Variants in PCDH11X observed in about 807,000 individuals in gnomAD.
PCDH11X encodes protocadherin-11 X-linked.
Under a neutral mutation model 53.3 loss-of-function variants are expected in PCDH11X, and 18 were observed. That is an observed-to-expected ratio of 0.34 (90% confidence interval 0.23 to 0.50). The LOEUF (loss-of-function observed/expected upper bound fraction) is 0.50. PCDH11X is among the 20% of genes least tolerant of loss of function. The pLI is 0.98. For missense variants in PCDH11X, 570 were observed against 1,032.4 expected, an observed-to-expected ratio of 0.55 and a Z score of 6.14; for synonymous variants, 279 against 393.3, an observed-to-expected ratio of 0.71 and a Z score of 3.44.
intron 8 of PCDH11X, among the ~76,000 whole-genome samples, chrX:92,377,104 G>A (rs1010563015): frequency 1.8e-5 from 2 of 111,784 alleles, no homozygotes; most frequent in Non-Finnish European, 3.8e-5. Flanking sequence ...ACTTCAGAGA[G>A]CTAGAGACAA....
intron 10 of PCDH11X, among the ~76,000 whole-genome samples, chrX:92,600,195 G>C (rs1444121405): frequency 9.6e-6 from 1 of 104,230 alleles, no homozygotes; most frequent in Admixed American, 1.0e-4. Context: ...AAAATTCAAA[G>C]CTGGCTGGGG....
intron 10 of PCDH11X, among the ~76,000 whole-genome samples, chrX:92,511,360 T>C (rs1377212630): frequency 9.0e-6 from 1 of 111,513 alleles, no homozygotes; most frequent in Non-Finnish European, 1.9e-5. Flanking sequence ...AATTGCATTC[T>C]TAGGTAGTAG....
intron 7 of PCDH11X, among the ~76,000 whole-genome samples, chrX:92,235,172 T>A (rs905491019): frequency 4.5e-5 from 4 of 88,346 alleles, no homozygotes; most frequent in Non-Finnish European, 5.9e-5. Flanking sequence ...AAGCACAAAA[T>A]TTTTTTAAAT....
At chrX:91,798,065 TA>T (rs1353288230) in intron 1 of PCDH11X, 2 of 92,252 alleles carry the variant, frequency 2.2e-5, no homozygotes, top group Non-Finnish European at 4.2e-5. Context: ...CTTGATATTT[TA>T]AAAACTTGAA....
intron 10 of PCDH11X, among the ~76,000 whole-genome samples, chrX:92,598,454 C>G (rs1007530960): frequency 2.7e-5 from 3 of 109,617 alleles, no homozygotes; most frequent in African/African-American, 1.0e-4. Context: ...AAAGTGTGCA[C>G]AATATCATTG....
At chrX:91,781,521 G>T (rs1296579786) in intron 1 of PCDH11X, among the ~76,000 whole-genome samples, 6 of 112,979 alleles carry the variant, frequency 5.3e-5, no homozygotes, top group African/African-American at 1.9e-4. Flanking sequence ...AAAAGGAAAC[G>T]GTACTTGCGG....
chrX:92,007,609 C>G (rs1417776870), intron 6 of PCDH11X, among the ~76,000 whole-genome samples: 2 of 111,954 alleles, frequency 1.8e-5, no homozygotes, highest in Admixed American at 9.4e-5. Context: ...CTGACCTCCA[C>G]CCCTGTGGCC....
At chrX:92,063,300 C>A (rs1266875372) in intron 6 of PCDH11X, among the ~76,000 whole-genome samples, 13 of 108,695 alleles carry the variant, frequency 1.2e-4, no homozygotes, top group African/African-American at 4.4e-4. Context: ...TGTAACAAAC[C>A]TGCACATTCT....
intron 6 of PCDH11X, among the ~76,000 whole-genome samples, chrX:92,081,909 G>A (rs1432870661): frequency 1.8e-5 from 2 of 111,440 alleles, no homozygotes; most frequent in African/African-American, 6.5e-5. Context: ...TATAAATACT[G>A]AATAGAATGG....
At chrX:91,933,407 A>G (rs1396854521) in intron 6 of PCDH11X, among the ~76,000 whole-genome samples, 1 of 109,577 alleles carries the variant, frequency 9.1e-6, no homozygotes, top group African/African-American at 3.3e-5. Context: ...CTTTTGATGT[A>G]TAATATTACT....
chrX:92,264,241 T>C (rs374092186), intron 8 of PCDH11X, among the ~76,000 whole-genome samples: 1 of 112,085 alleles, frequency 8.9e-6, no homozygotes, highest in African/African-American at 3.2e-5. Context: ...TTTTCATTAA[T>C]GTTTGAGAGA....
intron 6 of PCDH11X, among the ~76,000 whole-genome samples, chrX:91,961,396 G>A (rs916655594): frequency 1.8e-5 from 2 of 110,350 alleles, no homozygotes; most frequent in Non-Finnish European, 3.8e-5. Flanking sequence ...AAGATCAGGA[G>A]CAAGGATGTC....
chrX:92,539,796 G>A (rs150050206), intron 10 of PCDH11X, among the ~76,000 whole-genome samples: 3,278 of 111,687 alleles, frequency 0.029, 132 homozygotes, highest in African/African-American at 0.1. Context: ...ATAATGCTGT[G>A]GTTTTTGTGG....
At chrX:91,939,330 A>G (rs1168058109) in intron 6 of PCDH11X, among the ~76,000 whole-genome samples, 1 of 111,300 alleles carries the variant, frequency 9.0e-6, no homozygotes, top group African/African-American at 3.3e-5. Flanking sequence ...TAAAATGACA[A>G]TAAAAGTAAC....
At chrX:91,990,023 T>C (rs1271507725) in intron 6 of PCDH11X, among the ~76,000 whole-genome samples, 2 of 111,258 alleles carry the variant, frequency 1.8e-5, no homozygotes, top group Non-Finnish European at 3.8e-5. Flanking sequence ...TTCAATTTCT[T>C]TGATTCTTTC....
chrX:92,061,368 C>A (rs1047509164), intron 6 of PCDH11X, among the ~76,000 whole-genome samples: 16 of 111,337 alleles, frequency 1.4e-4, no homozygotes, highest in Non-Finnish European at 2.8e-4. Flanking sequence ...TGATTTATTT[C>A]ATTTCCTGTT....
At chrX:91,941,388 A>G (rs1411636057) in intron 6 of PCDH11X, among the ~76,000 whole-genome samples, 1 of 111,321 alleles carries the variant, frequency 9.0e-6, no homozygotes, top group Non-Finnish European at 1.9e-5. Flanking sequence ...TATGTAAACA[A>G]TAGTTAAAAG....
At chrX:92,321,900 C>A (rs1397514163) in intron 8 of PCDH11X, among the ~76,000 whole-genome samples, 2 of 107,404 alleles carry the variant, frequency 1.9e-5, no homozygotes, top group Non-Finnish European at 3.8e-5. Flanking sequence ...AATTTCTCAA[C>A]CATTATGTTT....
intron 6 of PCDH11X, among the ~76,000 whole-genome samples, chrX:91,921,711 T>G (rs1207949675): frequency 9.5e-6 from 1 of 105,489 alleles, no homozygotes; most frequent in African/African-American, 3.4e-5. Context: ...ATTAACCTAC[T>G]GAAGGATATC....
Sources: gnomAD v4.1 joint callset for allele counts (sites outside exome capture counted in the v4.1 genomes callset) on GRCh38, gnomAD v4.1.1 for gene constraint, MANE v1.5 for transcripts, NCBI Gene and HGNC (gene_info 2026-07-23, HGNC 2026-07-21) for gene names.